FLT4: variants seen among roughly 807,000 people sequenced by gnomAD.
FLT4 encodes fms related receptor tyrosine kinase 4, also known as vascular endothelial growth factor receptor 3.
FLT4 carries 30 observed loss-of-function variants against 163.2 expected under a neutral mutation model. The observed-to-expected ratio is 0.18, with a 90% CI of 0.14 to 0.25. The LOEUF is 0.25. FLT4 is among the 10% of genes least tolerant of loss of function. The pLI, the probability that FLT4 is intolerant of heterozygous loss-of-function variation, is 1.00. For synonymous variants in FLT4, 884 were observed against 789.5 expected, an observed-to-expected ratio of 1.12 and a Z score of -2.01; for missense variants, 1,510 against 1,863.8, an observed-to-expected ratio of 0.81 and a Z score of 3.50.
intron 23 of FLT4, among the ~76,000 whole-genome samples, chr5:180,614,513 C>G (rs893676814): frequency 1.3e-5 from 2 of 152,080 alleles, no homozygotes; most frequent in African/African-American, 2.4e-5. Flanking sequence ...CCTGATGAAA[C>G]GCACCCCTGC....
chr5:180,612,941 T>C (rs1762326333), intron 25 of FLT4, 70 bp downstream of exon 25: 2 of 1,228,040 alleles, frequency 1.6e-6, no homozygotes, highest in Middle Eastern at 2.1e-4. Context: ...TGCCACCTTC[T>C]CATGGACACA....
At chr5:180,637,473 C>T (rs1030419267) in intron 1 of FLT4, among the ~76,000 whole-genome samples, 1 of 152,206 alleles carries the variant, frequency 6.6e-6, no homozygotes. Flanking sequence ...CCAGGGTCCC[C>T]CCACCACGGA....
chr5:180,621,951 T>A (rs2127818087), intron 12 of FLT4, 47 bp from the exon 13 acceptor site: 1 of 1,608,192 alleles, frequency 6.2e-7, no homozygotes, highest in Non-Finnish European at 8.5e-7. Flanking sequence ...GGGAGTTTGC[T>A]CCCCCATCCA....
At chr5:180,627,905 G>A (rs189199358) in intron 8 of FLT4, among the ~76,000 whole-genome samples, 7 of 152,290 alleles carry the variant, frequency 4.6e-5, no homozygotes, top group Non-Finnish European at 8.8e-5. Flanking sequence ...GATGGACACC[G>A]AAGTCTGTGT....
rs372947534 is a variant in FLT4 at position 180,626,237 on chromosome 5, G to A, written c.1132C>T (p.Arg378Cys). The change falls in exon 9 of 30, where the codon CGC becomes TGC. Residue 378 changes from arginine (R) to cysteine (C), a missense_variant. This residue lies in a region of FLT4 where 878 missense variants were observed against 1,016.7 expected (regional missense o/e 0.86). Coordinates refer to ENST00000261937, the MANE Select transcript of FLT4 (RefSeq NM_182925.5). ...AGCACCAGGGCATGTGGACTGTGGC[G>A]CCCGGACAGTGCCTTTCCATCCTTG... is the stretch of plus-strand genomic sequence containing the variant. ...WYKDGKALSG[R>C]HSPHALVLKE... is the part of the protein sequence containing the mutation. The A allele has an allele frequency of 4.2e-5, 68 of 1,612,548 alleles. No individual in the cohort carries two copies. The highest frequency in any genetic ancestry group is 3.8e-4 in the South Asian group (35 of 91,090).
intron 1 of FLT4, among the ~76,000 whole-genome samples, chr5:180,634,728 G>C (rs1357424859): frequency 5.0e-5 from 7 of 139,338 alleles, no homozygotes; most frequent in Non-Finnish European, 7.7e-5. Context: ...TGGTCAGATG[G>C]ATGATGGATG....
chr5:180,609,964 A>C lies in FLT4; in HGVS notation c.3748T>G (p.Ser1250Ala). Residue 1250 changes from serine (S) to alanine (A), a missense_variant, in exon 28 of 30, where the codon TCC (serine) becomes GCC (alanine). By Grantham distance (99) the Ser-to-Ala change is moderately conservative. Around this residue, in one of 5 missense-constraint regions of FLT4, gnomAD observed 295 missense variants for 311.0 expected, o/e 0.95. Transcript: ENST00000261937. ...LARGAETRGSSRMKTFEEFPM... is the reference protein window; with the variant it reads ...LARGAETRGSARMKTFEEFPM... ...AATTCCTCAAATGTCTTCATCCTGGAGGAACCACGGGTCTCAGCCCCTCTG... is the reference window on the plus strand; with the variant it reads ...AATTCCTCAAATGTCTTCATCCTGGCGGAACCACGGGTCTCAGCCCCTCTG... 1 of 1,614,160 alleles carries C rather than the reference A, an allele frequency of 6.2e-7. No homozygotes were observed.
At chr5:180,603,420 A>G in intron 29 of FLT4, 30 bp from the exon 30 acceptor site, 1 of 1,607,400 alleles carries the variant, frequency 6.2e-7, no homozygotes, top group Non-Finnish European at 8.5e-7. Context: ...GGTGTTAGTA[A>G]GAGAAGAAGG....
Position 180,602,226 on chromosome 5 carries a change from T to C in FLT4, c.*966A>G, listed in dbSNP as rs919391045. On this transcript the variant is annotated 3_prime_UTR_variant, in exon 30 of 30. Transcript: ENST00000261937. ...TCCTGAGTGGATCCCACAGTGTTCA[T>C]CTCTCATGAGCTGGTTCACGGCTTG... 1.7e-5 allele frequency: 4 copies of C among 239,332 alleles called. No individual in the cohort carries two copies. The highest frequency in any genetic ancestry group is 2.4e-5 in the Non-Finnish European group (3 of 122,704). 14.8% of individuals were successfully genotyped at this position (239,332 alleles called of 1,614,324 possible).
At position 180,623,972 on chromosome 5, in the gene FLT4, A is replaced by G. The variant is rs1763392837; in HGVS notation, c.1511T>C (p.Leu504Pro). 6.2e-7 allele frequency: 1 copy of G among 1,613,422 alleles called. No homozygotes were observed. The highest frequency in any genetic ancestry group is 1.3e-5 in the African/African-American group (1 of 74,906). Residue 504 changes from leucine to proline, a missense_variant, in exon 11 of 30, where the codon CTG becomes CCG. Physicochemically the swap from Leu to Pro is moderately conservative, Grantham distance 98 (BLOSUM62 -3). This residue lies in a region of FLT4 where 878 missense variants were observed against 1,016.7 expected (regional missense o/e 0.86). Transcript: ENST00000261937. The surrounding 1 kb of genome is among the most constrained non-coding windows in gnomAD (Gnocchi z 5.8). ...TQDAVNPIES[L>P]DTWTEFVEGK... Reference sequence around the variant, plus strand: ...CTCCACAAACTCGGTCCAGGTGTCCAGGCTCTCGATGGGGTTCACGGCATC... The same window carrying G: ...CTCCACAAACTCGGTCCAGGTGTCCGGGCTCTCGATGGGGTTCACGGCATC...
In FLT4 at chr5:180,630,587, G is replaced by T; in HGVS notation, c.368C>A (p.Thr123Asn). The change falls in exon 3 of 30, where the codon ACC becomes AAC. Residue 123 changes from threonine to asparagine, a missense_variant. Coordinates refer to ENST00000261937, the MANE Select transcript of FLT4 (RefSeq NM_182925.5). The surrounding 1 kb of genome is among the most constrained non-coding windows in gnomAD (Gnocchi z 6.3). ...GAACACGTAGGAGCTGGCGGCCGTG[G>T]TGCCCTCGATGCGTGCCTTGATGTA... Reference protein sequence around the residue: ...YKYIKARIEGTTAASSYVFVR... With the variant: ...YKYIKARIEGNTAASSYVFVR... 6.2e-7 allele frequency: 1 copy of T among 1,613,022 alleles called. No individual in the cohort carries two copies. Among genetic ancestry groups the T allele is most frequent in the Non-Finnish European group, 8.5e-7 (1 of 1,179,972 alleles).
intron 27 of FLT4, 100 bp downstream of exon 27, chr5:180,611,231 G>A (rs1762165149): frequency 7.9e-6 from 11 of 1,389,952 alleles, no homozygotes; most frequent in Admixed American, 1.8e-5. Flanking sequence ...GGCCTCTGAC[G>A]TCGCATGATT....
chr5:180,606,914 AACAAAC>A (rs1466208246), intron 29 of FLT4, among the ~76,000 whole-genome samples: 1 of 143,690 alleles, frequency 7.0e-6, no homozygotes, highest in Non-Finnish European at 1.5e-5. Flanking sequence ...AAAAAAAAAA[AACAAAC>A]AAACAAACTT....
chr5:180,606,676 C>T (rs551725476), intron 29 of FLT4, among the ~76,000 whole-genome samples: 15 of 152,236 alleles, frequency 9.9e-5, no homozygotes, highest in African/African-American at 2.4e-4. Context: ...TTTTGAATGT[C>T]GAAATGCTGT....
rs972147246 is a variant in FLT4, at chr5:180,636,468, C to T, written c.59-4690G>A. 2.6e-5 allele frequency among the ~76,000 whole-genome samples: 4 copies of T among 152,080 alleles called. No individual in the cohort carries two copies. The highest frequency in any genetic ancestry group is 5.9e-5 in the Non-Finnish European group (4 of 68,008). ...GGTCCTGCTCTTTGGCGGCACCGCC[C>T]TCTTCCCCATTAAAGCTGTCATCAG... On this transcript the variant is annotated intron_variant, in intron 1 of 29. Coordinates refer to ENST00000261937, the MANE Select transcript of FLT4 (RefSeq NM_182925.5). The surrounding 1 kb of genome is among the most constrained non-coding windows in gnomAD (Gnocchi z 4.3).
chr5:180,622,704 C>T (rs2127819720), intron 12 of FLT4, 27 bp downstream of exon 12: 1 of 1,435,322 alleles, frequency 7.0e-7, no homozygotes, highest in Non-Finnish European at 9.8e-7. Context: ...TGTACCCAGG[C>T]CTCCCCGCCC....
Position 180,649,499 on chromosome 5 carries a change from C to G in FLT4, c.47G>C (p.Gly16Ala). The G allele has an allele frequency of 2.7e-6, 4 of 1,460,114 alleles. No individual in the cohort carries two copies. The South Asian group carries it at 5.1e-5, about 19-fold the overall frequency. 90.4% of individuals were successfully genotyped at this position (1,460,114 alleles called of 1,614,324 possible). ...ALCLRLWLCL[G>A]LLDGLVSGYS... is the part of the protein sequence containing the mutation. ...TTCGCCGCGCTCACCGTCCAGGAGT[C>G]CCAGGCAGAGCCACAGTCGCAGGCA... The change falls in exon 1 of 30, where the codon GGA becomes GCA. Residue 16 changes from glycine to alanine, a missense_variant. By Grantham distance (60) the Gly-to-Ala change is moderately conservative (BLOSUM62 0). Coordinates refer to ENST00000261937, the MANE Select transcript of FLT4 (RefSeq NM_182925.5).
intron 27 of FLT4, 100 bp from the exon 28 acceptor site, chr5:180,610,125 C>T (rs1323522962): frequency 6.4e-7 from 1 of 1,566,156 alleles, no homozygotes; most frequent in African/African-American, 1.3e-5. Context: ...TGGAAAGGAC[C>T]CCCCGCCTGG....
Position 180,620,124 on chromosome 5 carries a change from GGTGGGTCGGGCAGGAGGT to G in FLT4, c.2542+31_2542+48del, listed in dbSNP as rs1561714700. ...GATTCAGGCACTCCGGCCTGCAGCA[GGTGGGTCGGGCAGGAGGT>G]GTGGGTTGGGCAGGCTGGTGCTGGC... On this transcript the variant is annotated intron_variant, in intron 17 of 29. Transcript: ENST00000261937. The surrounding 1 kb of genome is among the most constrained non-coding windows in gnomAD (Gnocchi z 4.4). 2 of 1,582,688 alleles carry G rather than the reference GGTGGGTCGGGCAGGAGGT, an allele frequency of 1.3e-6. No homozygotes were observed. Among genetic ancestry groups the G allele is most frequent in the African/African-American group, 2.7e-5 (2 of 74,502 alleles).
Sources: allele counts gnomAD v4.1 joint callset (sites outside exome capture counted in the v4.1 genomes callset), GRCh38; gene constraint gnomAD v4.1.1; regional missense constraint gnomAD v4.1.1; non-coding constraint Gnocchi (gnomAD v3.1); transcripts MANE v1.5; gene names NCBI Gene and HGNC (gene_info 2026-07-23, HGNC 2026-07-21).